The following TM9SF2 variants were observed in gnomAD, a reference collection of about 807,000 sequenced individuals.
TM9SF2 encodes 76 kDa membrane protein.
Under a neutral mutation model 84.9 loss-of-function variants are expected in TM9SF2, and 13 were observed. The observed-to-expected ratio is 0.15, with a 90% CI of 0.10 to 0.24. TM9SF2 has a LOEUF of 0.24. Ranked by LOEUF, TM9SF2 falls within the 10% of genes least tolerant of loss-of-function variation. TM9SF2 has a pLI of 1.00. For synonymous variants in TM9SF2, 273 were observed against 285.8 expected (o/e 0.96, Z 0.45); for missense variants, 562 against 818.5 (o/e 0.69, Z 3.82).
At chr13:99,514,095 G>A (rs1292398713) in intron 1 of TM9SF2, 1 of 152,252 alleles carries the variant, frequency 6.6e-6, no homozygotes, top group Non-Finnish European at 1.5e-5. Flanking sequence ...CGACAGACCA[G>A]TGGCCTTATA....
intron 1 of TM9SF2, among the ~76,000 whole-genome samples, chr13:99,512,069 C>T (rs1199775686): frequency 6.6e-6 from 1 of 152,142 alleles, no homozygotes; most frequent in Non-Finnish European, 1.5e-5. Flanking sequence ...TCTTAGTGTC[C>T]TTTAAAAACA....
intron 1 of TM9SF2, among the ~76,000 whole-genome samples, chr13:99,506,214 A>G (rs1021600303): frequency 1.3e-5 from 2 of 152,238 alleles, no homozygotes; most frequent in Non-Finnish European, 2.9e-5. Flanking sequence ...ATCTGAACGG[A>G]CACAGAATGA....
chr13:99,552,206 C>T lies in TM9SF2; in HGVS notation c.1368C>T (p.Leu456=). ...ACTTCTTTATAATGAATCTGATCCT[C>T]TGGGGAGAAGGATCTTCAGCAGCTA... ...FADFFIMNLI[L]WGEGSSAAIP... The change falls in exon 13 of 17, where the codon CTC becomes CTT. Residue 456 remains leucine, a synonymous_variant. Transcript: ENST00000376387. The T allele has an allele frequency of 6.2e-7, 1 of 1,614,118 alleles. No homozygotes were observed. Among genetic ancestry groups the T allele is most frequent in the South Asian group, 1.1e-5 (1 of 91,078 alleles).
At chr13:99,513,897 A>G (rs370106193) in intron 1 of TM9SF2, among the ~76,000 whole-genome samples, 20 of 119,780 alleles carry the variant, frequency 1.7e-4, no homozygotes, top group Admixed American at 3.6e-4. Flanking sequence ...CAGAGACCCA[A>G]TGTCCTGTAA....
At chr13:99,525,915 T>TA (rs1419391325) in intron 3 of TM9SF2, among the ~76,000 whole-genome samples, 3 of 152,164 alleles carry the variant, frequency 2.0e-5, no homozygotes, top group African/African-American at 7.2e-5. Flanking sequence ...GATCAGTAGA[T>TA]ACGGGAAAAG....
intron 14 of TM9SF2, among the ~76,000 whole-genome samples, chr13:99,555,334 T>TA (rs968984409): frequency 6.6e-6 from 1 of 152,136 alleles, no homozygotes; most frequent in Non-Finnish European, 1.5e-5. Flanking sequence ...AGCAGGAAGG[T>TA]AAAGTCCAGT....
intron 1 of TM9SF2, among the ~76,000 whole-genome samples, chr13:99,502,183 C>T (rs141629446): frequency 3.1e-4 from 47 of 152,338 alleles, no homozygotes; most frequent in Middle Eastern, 6.8e-3. Context: ...GGGTGACCGA[C>T]TCCCTACATG....
intron 5 of TM9SF2, among the ~76,000 whole-genome samples, chr13:99,536,957 G>A (rs1430713757): frequency 6.6e-6 from 1 of 152,152 alleles, no homozygotes; most frequent in Non-Finnish European, 1.5e-5. Context: ...TACTGAGATT[G>A]TCTGTTGTAT....
intron 1 of TM9SF2, among the ~76,000 whole-genome samples, chr13:99,505,423 G>C (rs2139066850): frequency 6.6e-6 from 1 of 152,286 alleles, no homozygotes; most frequent in East Asian, 1.9e-4. Context: ...CCAAAGTGTT[G>C]GGATTGTAGG....
chr13:99,554,875 TGTCGGAGGGGATTGG>T (rs753382236), intron 14 of TM9SF2, among the ~76,000 whole-genome samples: 1 of 152,210 alleles, frequency 6.6e-6, no homozygotes, highest in Non-Finnish European at 1.5e-5. Context: ...TCTGAGCACT[TGTCGGAGGGGATTGG>T]TGAAGGGATT....
intron 3 of TM9SF2, among the ~76,000 whole-genome samples, chr13:99,520,362 C>T (rs1362110146): frequency 4.6e-5 from 7 of 152,084 alleles, no homozygotes; most frequent in Admixed American, 3.3e-4. Context: ...AATGTTAAGA[C>T]GGTGGCTTAA....
chr13:99,522,787 T>C (rs1361136379), intron 3 of TM9SF2, among the ~76,000 whole-genome samples: 1 of 152,190 alleles, frequency 6.6e-6, no homozygotes, highest in Admixed American at 6.5e-5. Context: ...GGGGCAGACT[T>C]TGAAGGCAGG....
At chr13:99,556,205 CTT>C (rs975266436) in intron 15 of TM9SF2, among the ~76,000 whole-genome samples, 1 of 152,146 alleles carries the variant, frequency 6.6e-6, no homozygotes, top group Non-Finnish European at 1.5e-5. Flanking sequence ...AAAAAGCTAA[CTT>C]TATTAAACTT....
At chr13:99,518,875 A>G (rs540626463) in intron 2 of TM9SF2, among the ~76,000 whole-genome samples, 15 of 151,478 alleles carry the variant, frequency 9.9e-5, no homozygotes, top group East Asian at 1.9e-4. Flanking sequence ...TGGCCTCCCA[A>G]GGTGCTGGGA....
chr13:99,519,082 T>TA (rs563895463), intron 2 of TM9SF2, among the ~76,000 whole-genome samples: 10 of 152,184 alleles, frequency 6.6e-5, no homozygotes, highest in Non-Finnish European at 1.0e-4. Context: ...ACAAAAAAGT[T>TA]ACGACTATCC....
chr13:99,556,620 G>A (rs756692483), intron 15 of TM9SF2, among the ~76,000 whole-genome samples: 2 of 135,382 alleles, frequency 1.5e-5, no homozygotes, highest in Non-Finnish European at 1.5e-5. Flanking sequence ...GTCTCGCTCT[G>A]CTGCCCAGGC....
chr13:99,562,583 T>C, intron 16 of TM9SF2, 108 bp from the exon 17 acceptor site: 1 of 993,516 alleles, frequency 1.0e-6, no homozygotes, highest in South Asian at 1.5e-5. Flanking sequence ...GGTAATAGTT[T>C]ATAGTTTTGC....
In TM9SF2 at chr13:99,535,472, G is replaced by A. The variant is rs117685191; in HGVS notation, c.462-1136G>A. On this transcript the variant is annotated intron_variant, in intron 4 of 16. Coordinates refer to ENST00000376387, the MANE Select transcript of TM9SF2 (RefSeq NM_004800.3). ...GATTCGTTAAGCTTTCAGAAAATCTGAATTATTTATTCTATATAACAATGC... is the reference window on the plus strand; with the variant it reads ...GATTCGTTAAGCTTTCAGAAAATCTAAATTATTTATTCTATATAACAATGC... Among the ~76,000 whole-genome samples, 556 of 152,190 alleles carry A rather than the reference G, an allele frequency of 3.7e-3. 1 individual carries two copies. Among genetic ancestry groups the A allele is most frequent in the Non-Finnish European group, 5.2e-3 (351 of 67,998 alleles).
Position 99,563,053 on chromosome 13 carries a change from T to C in TM9SF2, c.*295T>C. ...ACAGTAGCTATAAAATTTTCCATACTTCTAATGGCAGAATAGAGGAGGCCA... is the reference window on the plus strand; with the variant it reads ...ACAGTAGCTATAAAATTTTCCATACCTCTAATGGCAGAATAGAGGAGGCCA... On this transcript the variant is annotated 3_prime_UTR_variant, in exon 17 of 17. Transcript: ENST00000376387. 8.4e-6 allele frequency: 2 copies of C among 238,744 alleles called. No individual in the cohort carries two copies. Among genetic ancestry groups the C allele is most frequent in the Non-Finnish European group, 1.6e-5 (2 of 124,450 alleles). 14.8% of individuals were successfully genotyped at this position (238,744 alleles called of 1,614,324 possible). A position where few individuals can be genotyped will look rare whatever the true frequency, so the allele number is the denominator to read the frequency against.
Sources: allele counts gnomAD v4.1 joint callset (sites outside exome capture counted in the v4.1 genomes callset), GRCh38; gene constraint gnomAD v4.1.1; transcripts MANE v1.5; gene names NCBI Gene and HGNC (gene_info 2026-07-23, HGNC 2026-07-21).